POC1B: variants seen among roughly 807,000 people sequenced by gnomAD.
POC1B encodes POC1 centriolar protein B.
Under a neutral mutation model 60.6 loss-of-function variants are expected in POC1B, and 44 were observed. The ratio of observed to expected loss-of-function variants is 0.73; its 90% CI spans 0.57 to 0.93. The LOEUF (loss-of-function observed/expected upper bound fraction) is 0.93. Among genes scored for constraint, POC1B ranks in the 40% least tolerant of loss-of-function variants. The probability of loss-of-function intolerance (pLI) is 0.00; values close to 1 mark genes in which losing one functional copy is unlikely to be tolerated. For missense variants in POC1B, 555 were observed against 572.3 expected (o/e 0.97, Z 0.31); for synonymous variants, 180 against 198.9 (o/e 0.90, Z 0.80).
chr12:89,451,703 C>T (rs1222338276), intron 10 of POC1B, among the ~76,000 whole-genome samples: 2 of 152,154 alleles, frequency 1.3e-5, no homozygotes, highest in African/African-American at 4.8e-5. Flanking sequence ...CAGCATAAAG[C>T]AGGAAGAACT....
intron 2 of POC1B, among the ~76,000 whole-genome samples, chr12:89,514,801 C>T (rs188498087): frequency 6.6e-6 from 1 of 152,106 alleles, no homozygotes; most frequent in East Asian, 1.9e-4. Flanking sequence ...TCAGGTCCTG[C>T]TTCCTCTAAT....
chr12:89,467,369 C>CAT (rs1348175291), intron 8 of POC1B, among the ~76,000 whole-genome samples: 1 of 152,098 alleles, frequency 6.6e-6, no homozygotes, highest in African/African-American at 2.4e-5. Context: ...TGAAAGTGGA[C>CAT]ATATAGTGTC....
intron 4 of POC1B, among the ~76,000 whole-genome samples, chr12:89,488,150 T>C (rs1868745574): frequency 8.8e-6 from 1 of 114,078 alleles, no homozygotes; most frequent in Admixed American, 8.0e-5. Context: ...TATATATAGA[T>C]GATTCAATAC....
downstream of POC1B, chr12:89,419,573 T>C (rs910740516): frequency 5.9e-5 from 9 of 152,098 alleles, no homozygotes; most frequent in African/African-American, 1.9e-4. Context: ...ACCTGACCCA[T>C]GGAGTCAGCT....
chr12:89,454,999 T>TG (rs1167059115), intron 10 of POC1B, among the ~76,000 whole-genome samples: 2 of 150,120 alleles, frequency 1.3e-5, no homozygotes, highest in East Asian at 3.8e-4. Flanking sequence ...TTTATTACCA[T>TG]GGTTCATATG....
intron 2 of POC1B, chr12:89,524,839 T>C (rs1313735435): frequency 3.3e-6 from 2 of 613,812 alleles, no homozygotes; most frequent in East Asian, 5.7e-5. Context: ...GAGAAACCCC[T>C]CCCCTTCCCA....
At chr12:89,523,561 C>A in intron 2 of POC1B, 1 of 1,596,846 alleles carries the variant, frequency 6.3e-7, no homozygotes, top group Non-Finnish European at 8.5e-7. Flanking sequence ...CACTTCCATT[C>A]CTGTGTCATA....
chr12:89,499,114 T>C (rs180928089), intron 2 of POC1B, among the ~76,000 whole-genome samples: 9 of 152,070 alleles, frequency 5.9e-5, no homozygotes, highest in African/African-American at 1.4e-4. Context: ...AGCGTTTCCA[T>C]AGTAGACAGG....
intron 2 of POC1B, chr12:89,524,895 C>T (rs1871290585): frequency 2.8e-6 from 2 of 717,518 alleles, no homozygotes; most frequent in Non-Finnish European, 4.5e-6. Context: ...CCGCCAGGCC[C>T]AGACCGCTGG....
chr12:89,522,281 T>A (rs1185808122), intron 2 of POC1B: 1 of 397,754 alleles, frequency 2.5e-6, no homozygotes, highest in Non-Finnish European at 4.4e-6. Context: ...ACCAGGCCTT[T>A]TGCCTTAAGC....
intron 2 of POC1B, among the ~76,000 whole-genome samples, chr12:89,505,550 A>G (rs1379782198): frequency 6.6e-6 from 1 of 152,246 alleles, no homozygotes; most frequent in Admixed American, 6.5e-5. Context: ...CATAGTGATT[A>G]TGTGGATGGC....
chr12:89,520,536 C>A (rs959099880), intron 2 of POC1B: 1 of 152,044 alleles, frequency 6.6e-6, no homozygotes, highest in Admixed American at 6.6e-5. Context: ...AAATGCAGGG[C>A]CAAGCATGCT....
chr12:89,419,880 T>C lies in POC1B; in HGVS notation c.*1273A>G, dbSNP rs1474589717. 1 of 152,188 alleles carries C rather than the reference T, an allele frequency of 6.6e-6. No individual in the cohort carries two copies. The highest frequency in any genetic ancestry group is 1.5e-5 in the Non-Finnish European group (1 of 68,032). The allele number at this position is 152,188 out of a possible 1,614,324, so 9.4% of individuals were successfully genotyped here. A position where few individuals can be genotyped will look rare whatever the true frequency, so the allele number is the denominator to read the frequency against. Reference sequence around the variant, plus strand: ...AATGTCCAGAAGCTCACACTTAGTATGATATTAAAAGGCACTTATAACACA... The same window carrying C: ...AATGTCCAGAAGCTCACACTTAGTACGATATTAAAAGGCACTTATAACACA... On this transcript the variant is annotated 3_prime_UTR_variant, in exon 12 of 12. Coordinates refer to ENST00000313546, the MANE Select transcript of POC1B (RefSeq NM_172240.3).
intron 10 of POC1B, among the ~76,000 whole-genome samples, chr12:89,436,339 T>C (rs2120700991): frequency 6.6e-6 from 1 of 152,220 alleles, no homozygotes; most frequent in East Asian, 1.9e-4. Flanking sequence ...ACCCGTTATG[T>C]TTCATAGCCA....
chr12:89,458,007 A>C (rs1168396146), intron 10 of POC1B, among the ~76,000 whole-genome samples: 1 of 152,168 alleles, frequency 6.6e-6, no homozygotes, highest in Non-Finnish European at 1.5e-5. Context: ...TGCCCACCTC[A>C]ATAGCACTGT....
chr12:89,492,956 C>T (rs1161558582), intron 3 of POC1B, among the ~76,000 whole-genome samples: 1 of 152,176 alleles, frequency 6.6e-6, no homozygotes, highest in Non-Finnish European at 1.5e-5. Flanking sequence ...CAGTCACCTA[C>T]ATATTGTGCT....
In POC1B at chr12:89,470,485, C is replaced by T. The variant is rs1248256886; in HGVS notation, c.686G>A (p.Gly229Asp). 3 of 1,599,578 alleles carry T rather than the reference C, an allele frequency of 1.9e-6. No homozygotes were observed. Among genetic ancestry groups the T allele is most frequent in the Non-Finnish European group, 2.6e-6 (3 of 1,171,470 alleles). Residue 229 changes from glycine to aspartate, a missense_variant, in exon 7 of 12, where the codon GGT becomes GAT. Transcript: ENST00000313546. ...KLLQHYQVHS[G>D]GVNCISFHPS... ...ATGGAATGATATGCAATTAACTCCA[C>T]CGCTGTGAACTGATTTGTAGAAAAT...
intron 2 of POC1B, among the ~76,000 whole-genome samples, chr12:89,514,176 G>A (rs1047322194): frequency 7.9e-5 from 12 of 151,994 alleles, no homozygotes; most frequent in Non-Finnish European, 1.5e-4. Flanking sequence ...TGCCGTTCTC[G>A]TGATAGTGAG....
chr12:89,501,268 G>A (rs946574904), intron 2 of POC1B: 12 of 1,114,530 alleles, frequency 1.1e-5, no homozygotes, highest in Admixed American at 1.0e-4. Flanking sequence ...TGCTTTGACA[G>A]GTGAAACAGA....
Sources: gnomAD v4.1 joint callset for allele counts (sites outside exome capture counted in the v4.1 genomes callset) on GRCh38, gnomAD v4.1.1 for gene constraint, MANE v1.5 for transcripts, NCBI Gene and HGNC (gene_info 2026-07-23, HGNC 2026-07-21) for gene names.